The following TSPAN14 variants were observed in gnomAD, a reference collection of about 807,000 sequenced individuals.
The protein encoded by TSPAN14 is tetraspanin 14.
In TSPAN14, 16 loss-of-function variants were observed where a neutral mutation model predicts 36.6. That is an observed-to-expected ratio of 0.44 (90% CI 0.30 to 0.66). The LOEUF (loss-of-function observed/expected upper bound fraction) is 0.66. Among genes scored for constraint, TSPAN14 ranks in the 30% least tolerant of loss-of-function variants. TSPAN14 has a pLI of 0.12. For missense variants in TSPAN14, 231 were observed against 355.1 expected (o/e 0.65, Z 2.81); for synonymous variants, 139 against 143.8 (o/e 0.97, Z 0.24).
chr10:80,455,342 C>T (rs1424402713), intron 1 of TSPAN14, among the ~76,000 whole-genome samples: 1 of 152,132 alleles, frequency 6.6e-6, no homozygotes, highest in African/African-American at 2.4e-5. Flanking sequence ...CACTCGTTGG[C>T]TGTGCTGGCG....
rs116129408 is a variant in TSPAN14 at position 80,515,231 on chromosome 10, C to T, written c.622-973C>T. 5.5e-3 allele frequency among the ~76,000 whole-genome samples: 842 copies of T among 152,274 alleles called. 11 individuals are homozygous for T. The highest frequency in any genetic ancestry group is 0.019 in the African/African-American group (802 of 41,562). On this transcript the variant is annotated intron_variant, in intron 7 of 8. Transcript: ENST00000429989. ...GCCACAGCAGGCATTTATTTTCTCA[C>T]AGTTTGGAGGCTAGAAGTCCAAGAT...
chr10:80,480,096 T>C (rs542712570), intron 1 of TSPAN14, among the ~76,000 whole-genome samples: 1 of 151,188 alleles, frequency 6.6e-6, no homozygotes, highest in South Asian at 2.1e-4. Flanking sequence ...TCTCTGTTTG[T>C]CTGTTATTGG....
chr10:80,499,191 G>A (rs61861573), intron 2 of TSPAN14, among the ~76,000 whole-genome samples: 2 of 152,156 alleles, frequency 1.3e-5, no homozygotes, highest in Non-Finnish European at 2.9e-5. Flanking sequence ...AGTTCAGCAG[G>A]GCCTGGCCGG....
exon 9 of TSPAN14, chr10:80,518,849 G>A (rs1841095973): frequency 6.5e-6 from 1 of 152,908 alleles, no homozygotes; most frequent in African/African-American, 2.4e-5. Context: ...CTTAGATAGT[G>A]TCCATGGCTG....
intron 7 of TSPAN14, 95 bp downstream of exon 7, chr10:80,514,158 G>A: frequency 1.7e-6 from 2 of 1,194,348 alleles, no homozygotes; most frequent in Non-Finnish European, 2.4e-6. Context: ...ATTGAAGTGG[G>A]AAAACTCAGG....
intron 1 of TSPAN14, among the ~76,000 whole-genome samples, chr10:80,457,938 G>A (rs1415088889): frequency 6.6e-6 from 1 of 152,196 alleles, no homozygotes; most frequent in Non-Finnish European, 1.5e-5. Flanking sequence ...GAACACCCCT[G>A]GTGGCTTGGA....
intron 1 of TSPAN14, among the ~76,000 whole-genome samples, chr10:80,477,083 G>T (rs1440845885): frequency 6.6e-6 from 1 of 152,232 alleles, no homozygotes; most frequent in East Asian, 1.9e-4. Flanking sequence ...GTCCTCGCAT[G>T]TGGCCCCTGT....
intron 2 of TSPAN14, among the ~76,000 whole-genome samples, chr10:80,502,514 C>T (rs544868713): frequency 6.6e-6 from 1 of 152,174 alleles, no homozygotes; most frequent in Admixed American, 6.5e-5. Context: ...TATTTGGAGG[C>T]AGAACCAGCA....
In TSPAN14 at chr10:80,510,582, A is replaced by G. The variant is rs1589299045; in HGVS notation, c.450+1111A>G. ...GCATTGACTTCTTTTTCTTTTAAAAATAAAACTTCTGGCCGGGCGCGGTGA... is the reference window on the plus strand; with the variant it reads ...GCATTGACTTCTTTTTCTTTTAAAAGTAAAACTTCTGGCCGGGCGCGGTGA... On this transcript the variant is annotated intron_variant, in intron 5 of 8. Coordinates refer to ENST00000429989, the Ensembl canonical transcript of TSPAN14. Among the ~76,000 whole-genome samples, 3 of 152,226 alleles carry G rather than the reference A, an allele frequency of 2.0e-5. 1 individual carries two copies. The highest frequency in any genetic ancestry group is 2.0e-4 in the Admixed American group (3 of 15,284).
At chr10:80,494,373 G>C (rs946857283) in intron 2 of TSPAN14, among the ~76,000 whole-genome samples, 1 of 152,218 alleles carries the variant, frequency 6.6e-6, no homozygotes, top group Non-Finnish European at 1.5e-5. Context: ...GACAGTAAGA[G>C]AATTTTGAGA....
At chr10:80,500,895 G>A (rs1848475027) in intron 2 of TSPAN14, among the ~76,000 whole-genome samples, 1 of 152,228 alleles carries the variant, frequency 6.6e-6, no homozygotes, top group Non-Finnish European at 1.5e-5. Flanking sequence ...CATGGGCACT[G>A]TGCCCCTGAG....
chr10:80,456,186 A>G (rs1182712893), intron 1 of TSPAN14, among the ~76,000 whole-genome samples: 1 of 152,180 alleles, frequency 6.6e-6, no homozygotes, highest in Non-Finnish European at 1.5e-5. Context: ...GACATGGCAT[A>G]GGTGCTCAGT....
chr10:80,461,608 C>T (rs1332065880), intron 1 of TSPAN14, among the ~76,000 whole-genome samples: 2 of 151,858 alleles, frequency 1.3e-5, no homozygotes, highest in African/African-American at 2.4e-5. Context: ...TGGGGTGGGG[C>T]GGGCAGGTTT....
intron 1 of TSPAN14, among the ~76,000 whole-genome samples, chr10:80,480,415 C>A (rs1357405714): frequency 6.6e-6 from 1 of 152,174 alleles, no homozygotes; most frequent in African/African-American, 2.4e-5. Flanking sequence ...TTTGACTCAG[C>A]CATCCCATTA....
At chr10:80,520,337 A>G (rs1210102500) in exon 9 of TSPAN14, 1 of 350,128 alleles carries the variant, frequency 2.9e-6, no homozygotes, top group African/African-American at 2.1e-5. Flanking sequence ...TGTGACTCTG[A>G]ATAGTTGGAT....
In TSPAN14 at chr10:80,472,340, C is replaced by T. The variant is rs149378199; in HGVS notation, c.-17-16877C>T. Among the ~76,000 whole-genome samples the T allele has an allele frequency of 2.1e-3, 314 of 152,208 alleles. 4 individuals are homozygous for T. Among genetic ancestry groups the T allele is most frequent in the Non-Finnish European group, 4.4e-4 (30 of 68,006 alleles). On this transcript the variant is annotated intron_variant, in intron 1 of 8. Transcript: ENST00000429989. ...TTTTGCAGTTTTGTAAGGAATACTG[C>T]GGAAATGGTGAGTTCTAGGTGCATC... is the stretch of plus-strand genomic sequence containing the variant.
At chr10:80,500,404 A>G (rs1848441642) in intron 2 of TSPAN14, among the ~76,000 whole-genome samples, 2 of 132,496 alleles carry the variant, frequency 1.5e-5, no homozygotes, top group Non-Finnish European at 3.1e-5. Context: ...ATCTTGGCTC[A>G]CCGCAACCTC....
intron 2 of TSPAN14, among the ~76,000 whole-genome samples, chr10:80,493,692 A>G (rs1198959253): frequency 2.0e-5 from 3 of 152,264 alleles, no homozygotes; most frequent in East Asian, 1.9e-4. Context: ...AGGTGCCCAC[A>G]GTAGTCAGAA....
chr10:80,498,684 C>G (rs549820940), intron 2 of TSPAN14, among the ~76,000 whole-genome samples: 59 of 152,314 alleles, frequency 3.9e-4, no homozygotes, highest in Admixed American at 9.8e-4. Flanking sequence ...TTGAACGCCC[C>G]TCACATCTCT....
Sources: allele counts gnomAD v4.1 joint callset (sites outside exome capture counted in the v4.1 genomes callset), GRCh38; gene constraint gnomAD v4.1.1; transcripts MANE v1.5; gene names NCBI Gene and HGNC (gene_info 2026-07-23, HGNC 2026-07-21).